GRID2: variants seen among roughly 807,000 people sequenced by gnomAD.
GRID2 encodes glutamate receptor ionotropic, delta-2.
Under a neutral mutation model 114.8 loss-of-function variants are expected in GRID2, and 33 were observed. The ratio of observed to expected loss-of-function variants is 0.29; its 90% CI spans 0.22 to 0.38. The LOEUF is 0.38. Ranked by LOEUF, GRID2 falls within the 10% of genes least tolerant of loss-of-function variation. The pLI is 1.00. For missense variants in GRID2, 1,184 were observed against 1,257.7 expected (o/e 0.94, Z 0.89); for synonymous variants, 505 against 449.9 (o/e 1.12, Z -1.55).
intron 14 of GRID2, among the ~76,000 whole-genome samples, chr4:93,718,147 G>A (rs1729066967): frequency 6.6e-6 from 1 of 152,130 alleles, no homozygotes; most frequent in Admixed American, 6.6e-5. Context: ...CTTTGTAGTT[G>A]ATCAATGAAA....
intron 1 of GRID2, among the ~76,000 whole-genome samples, chr4:92,383,107 CTA>C (rs1729699522): frequency 6.6e-6 from 1 of 151,826 alleles, no homozygotes; most frequent in Admixed American, 6.6e-5. Context: ...AAAACAATCA[CTA>C]TCTCACTCAC....
intron 4 of GRID2, among the ~76,000 whole-genome samples, chr4:93,141,619 A>C (rs1425694445): frequency 6.6e-6 from 1 of 152,254 alleles, no homozygotes. Context: ...ACCACTACAG[A>C]GAGCTGCCAA....
At chr4:93,570,762 C>A (rs1735861268) in intron 13 of GRID2, among the ~76,000 whole-genome samples, 1 of 152,078 alleles carries the variant, frequency 6.6e-6, no homozygotes, top group Non-Finnish European at 1.5e-5. Context: ...AAGAAAATTA[C>A]AGACTAAGGT....
chr4:92,308,349 A>G (rs1278087368), intron 1 of GRID2, among the ~76,000 whole-genome samples: 1 of 152,172 alleles, frequency 6.6e-6, no homozygotes, highest in Non-Finnish European at 1.5e-5. Flanking sequence ...TCTACAAGGG[A>G]ACACTCAAAC....
At chr4:92,389,733 G>T (rs1037593745) in intron 1 of GRID2, among the ~76,000 whole-genome samples, 2 of 152,026 alleles carry the variant, frequency 1.3e-5, no homozygotes, top group African/African-American at 4.8e-5. Context: ...ATGGAACTGG[G>T]TAGGCTTATT....
intron 2 of GRID2, among the ~76,000 whole-genome samples, chr4:92,943,752 G>T (rs908018202): frequency 1.6e-4 from 25 of 152,146 alleles, no homozygotes; most frequent in Non-Finnish European, 3.5e-4. Context: ...TACAGATGGG[G>T]TTTTGGTGTG....
intron 14 of GRID2, among the ~76,000 whole-genome samples, chr4:93,754,994 C>T (rs1398846397): frequency 6.6e-6 from 1 of 152,084 alleles, no homozygotes; most frequent in Non-Finnish European, 1.5e-5. Flanking sequence ...TTGAAGCATC[C>T]CATAATATCA....
chr4:92,855,167 G>T (rs1744087733), intron 2 of GRID2, among the ~76,000 whole-genome samples: 1 of 151,996 alleles, frequency 6.6e-6, no homozygotes, highest in African/African-American at 2.4e-5. Flanking sequence ...CCTAGTGACA[G>T]AATGACAAAT....
At chr4:92,693,642 G>A (rs1734290850) in intron 2 of GRID2, among the ~76,000 whole-genome samples, 1 of 152,170 alleles carries the variant, frequency 6.6e-6, no homozygotes, top group African/African-American at 2.4e-5. Context: ...TTTAGGGACT[G>A]AAGTTACAAA....
At chr4:92,354,330 A>G (rs1357684781) in intron 1 of GRID2, among the ~76,000 whole-genome samples, 1 of 151,880 alleles carries the variant, frequency 6.6e-6, no homozygotes, top group Non-Finnish European at 1.5e-5. Flanking sequence ...AGTTCTGACA[A>G]ATTTGGTTTT....
chr4:92,831,785 T>C (rs1246536742), intron 2 of GRID2, among the ~76,000 whole-genome samples: 5 of 151,982 alleles, frequency 3.3e-5, no homozygotes, highest in Non-Finnish European at 7.4e-5. Context: ...ACTTAAGCCA[T>C]GGAGGTTGAG....
intron 4 of GRID2, among the ~76,000 whole-genome samples, chr4:93,149,204 T>G (rs1172085519): frequency 6.6e-6 from 1 of 152,188 alleles, no homozygotes; most frequent in African/African-American, 2.4e-5. Flanking sequence ...ATTCAAAATC[T>G]CCATTTTCCT....
intron 13 of GRID2, among the ~76,000 whole-genome samples, chr4:93,625,167 A>G (rs1335185525): frequency 6.6e-6 from 1 of 152,244 alleles, no homozygotes; most frequent in African/African-American, 2.4e-5. Flanking sequence ...GATGATACCT[A>G]TACTGAGTGA....
chr4:92,738,197 G>C (rs1392152058), intron 2 of GRID2, among the ~76,000 whole-genome samples: 1 of 152,042 alleles, frequency 6.6e-6, no homozygotes, highest in Non-Finnish European at 1.5e-5. Flanking sequence ...ATTTTTTCAT[G>C]TCTTTTGGCT....
At chr4:93,716,357 C>T (rs548261909) in intron 14 of GRID2, among the ~76,000 whole-genome samples, 2 of 152,174 alleles carry the variant, frequency 1.3e-5, no homozygotes, top group South Asian at 4.2e-4. Flanking sequence ...CAAAACACAG[C>T]AGGGGGCAGA....
chr4:93,253,688 A>G (rs556240349), intron 8 of GRID2, among the ~76,000 whole-genome samples: 1 of 152,152 alleles, frequency 6.6e-6, no homozygotes, highest in Non-Finnish European at 1.5e-5. Context: ...TTTCCGTAAG[A>G]GCATAAGTGA....
At chr4:92,982,026 A>G (rs1292432725) in intron 2 of GRID2, among the ~76,000 whole-genome samples, 1 of 142,078 alleles carries the variant, frequency 7.0e-6, no homozygotes, top group African/African-American at 2.6e-5. Flanking sequence ...TACTGGTAAA[A>G]AAAAAAAAAA....
chr4:93,097,330 A>T (rs1731307174), intron 3 of GRID2, among the ~76,000 whole-genome samples: 1 of 149,670 alleles, frequency 6.7e-6, no homozygotes, highest in Admixed American at 6.6e-5. Context: ...GAAGACAAAA[A>T]AGGTAAAGGA....
intron 13 of GRID2, among the ~76,000 whole-genome samples, chr4:93,624,807 G>C (rs1742545890): frequency 6.6e-6 from 1 of 152,116 alleles, no homozygotes; most frequent in Non-Finnish European, 1.5e-5. Context: ...AGATGTTTAG[G>C]ATAGTAGGTT....
Sources: gnomAD v4.1 joint callset for allele counts (sites outside exome capture counted in the v4.1 genomes callset) on GRCh38, gnomAD v4.1.1 for gene constraint, MANE v1.5 for transcripts, NCBI Gene and HGNC (gene_info 2026-07-23, HGNC 2026-07-21) for gene names.